Variants in RPTOR observed in about 807,000 individuals in gnomAD.
RPTOR encodes the protein regulatory-associated protein of mTOR.
RPTOR carries 21 observed loss-of-function variants against 169.9 expected under a neutral mutation model. That is an observed-to-expected ratio of 0.12 (90% CI 0.09 to 0.18). The LOEUF is 0.18. Ranked by LOEUF, RPTOR falls within the 10% of genes least tolerant of loss-of-function variation. The pLI is 1.00. For synonymous variants in RPTOR, 732 were observed against 753.2 expected, an observed-to-expected ratio of 0.97 and a Z score of 0.46; for missense variants, 1,133 against 1,855.9, an observed-to-expected ratio of 0.61 and a Z score of 7.16.
chr17:80,831,786 C>T (rs986928413), intron 9 of RPTOR, among the ~76,000 whole-genome samples: 2 of 150,002 alleles, frequency 1.3e-5, no homozygotes, highest in Admixed American at 1.3e-4. Context: ...ACTGTGTATC[C>T]CTGTGTGTCA....
intron 25 of RPTOR, among the ~76,000 whole-genome samples, chr17:80,943,839 G>A (rs1025109760): frequency 5.9e-5 from 6 of 101,550 alleles, no homozygotes; most frequent in African/African-American, 2.3e-4. Context: ...TAAGAGCCAG[G>A]CGGTGTCTCT....
chr17:80,838,141 G>C (rs2067585712), intron 10 of RPTOR, 144 bp downstream of exon 10: 4 of 640,132 alleles, frequency 6.2e-6, no homozygotes, highest in Non-Finnish European at 1.1e-5. Context: ...AAATGTAGTT[G>C]CCAGAGTTTA....
At chr17:80,625,558 G>A in intron 1 of RPTOR, 133 bp from the exon 2 acceptor site, 1 of 671,570 alleles carries the variant, frequency 1.5e-6, no homozygotes, top group South Asian at 1.8e-5. Flanking sequence ...CAGGTGACAG[G>A]CGGAGGACTG....
intron 17 of RPTOR, among the ~76,000 whole-genome samples, chr17:80,891,249 G>T (rs1187546431): frequency 6.6e-6 from 1 of 152,260 alleles, no homozygotes. Context: ...AGTTTCACAT[G>T]TGTTGAAAAG....
At chr17:80,624,698 T>A (rs1435321793) in intron 1 of RPTOR, among the ~76,000 whole-genome samples, 2 of 152,264 alleles carry the variant, frequency 1.3e-5, no homozygotes, top group African/African-American at 4.8e-5. Flanking sequence ...TGAGAAAAAA[T>A]TAATCTTTAT....
Position 80,646,272 on chromosome 17 carries a change from G to A in RPTOR, c.348+2462G>A, listed in dbSNP as rs8066867. ...TTAAAAATTTCCTGCTACTATCCAT[G>A]AGCGGGCCTCATCTATTTTAGAAAT... On this transcript the variant is annotated intron_variant, in intron 3 of 33. Transcript: ENST00000306801. The surrounding 1 kb of genome is among the most constrained non-coding windows in gnomAD (Gnocchi z 5.0). 0.3 allele frequency among the ~76,000 whole-genome samples: 46,158 copies of A among 152,090 alleles called. 7,134 individuals carry two copies. The highest frequency in any genetic ancestry group is 0.37 in the Middle Eastern group (108 of 294).
Position 80,754,244 on chromosome 17 carries a change from C to A in RPTOR, c.830+59C>A. On this transcript the variant is annotated intron_variant, in intron 6 of 33. Transcript: ENST00000306801. This position sits in a 1 kb window ranked among gnomAD's most constrained non-coding sequence, Gnocchi z 4.2. ...TCAACTGGGCTCTCCCGCAGGGACC[C>A]CAACCCATGTGGGCCCCAGGCATTC... The A allele has an allele frequency of 6.7e-7, 1 of 1,492,766 alleles. No individual in the cohort carries two copies. The highest frequency in any genetic ancestry group is 9.0e-7 in the Non-Finnish European group (1 of 1,112,564). The allele number at this position is 1,492,766 out of a possible 1,614,324, so 92.5% of individuals were successfully genotyped here.
At chr17:80,655,370 G>T (rs1567841332) in intron 3 of RPTOR, among the ~76,000 whole-genome samples, 1 of 152,118 alleles carries the variant, frequency 6.6e-6, no homozygotes, top group African/African-American at 2.4e-5. Context: ...ATAGGTATGA[G>T]CCATATTTTT....
intron 3 of RPTOR, among the ~76,000 whole-genome samples, chr17:80,674,384 T>G (rs1367618694): frequency 6.6e-6 from 1 of 152,196 alleles, no homozygotes; most frequent in Non-Finnish European, 1.5e-5. Flanking sequence ...TTAAGGATGT[T>G]TCTTAAAAGT....
At chr17:80,618,887 C>T (rs970548800) in intron 1 of RPTOR, among the ~76,000 whole-genome samples, 6 of 152,148 alleles carry the variant, frequency 3.9e-5, no homozygotes, top group East Asian at 1.9e-4. Context: ...GTGCTTCCTG[C>T]GGGTTTGGTG....
At chr17:80,961,253 T>C (rs2069336106) in intron 30 of RPTOR, 141 bp from the exon 31 acceptor site, 3 of 705,660 alleles carry the variant, frequency 4.3e-6, no homozygotes, top group Non-Finnish European at 6.9e-6. Context: ...GCGTGAGCAC[T>C]AGCCCCTCGT....
At chr17:80,859,077 T>G (rs893347946) in intron 13 of RPTOR, among the ~76,000 whole-genome samples, 1 of 152,158 alleles carries the variant, frequency 6.6e-6, no homozygotes, top group African/African-American at 2.4e-5. Flanking sequence ...GAGAGGCGAC[T>G]CGGGCTGAAG....
intron 18 of RPTOR, among the ~76,000 whole-genome samples, chr17:80,892,392 A>G (rs1040308204): frequency 9.2e-5 from 14 of 152,152 alleles, no homozygotes; most frequent in African/African-American, 3.1e-4. Flanking sequence ...GTGGACGGTC[A>G]TTGCTCTGCT....
At chr17:80,798,410 T>G (rs975884020) in intron 7 of RPTOR, among the ~76,000 whole-genome samples, 5 of 152,058 alleles carry the variant, frequency 3.3e-5, no homozygotes, top group African/African-American at 4.8e-5. Context: ...CCTTTTGAGT[T>G]TTTGTATGTT....
intron 21 of RPTOR, among the ~76,000 whole-genome samples, chr17:80,910,857 T>C (rs1018551578): frequency 1.6e-5 from 2 of 128,298 alleles, no homozygotes; most frequent in Non-Finnish European, 3.4e-5. Flanking sequence ...TTTTTTTTTT[T>C]CTCTTGCTCT....
chr17:80,610,338 A>C (rs537594528), intron 1 of RPTOR, among the ~76,000 whole-genome samples: 4 of 152,188 alleles, frequency 2.6e-5, no homozygotes, highest in Non-Finnish European at 5.9e-5. Context: ...AACACGTCTG[A>C]ATTGTGTTCA....
chr17:80,653,397 G>A (rs756211325), intron 3 of RPTOR, among the ~76,000 whole-genome samples: 64 of 152,074 alleles, frequency 4.2e-4, no homozygotes, highest in Non-Finnish European at 4.0e-4. Flanking sequence ...AAGAAAAGAG[G>A]TTCTTTGACT....
chr17:80,896,499 C>CCA (rs374855273), intron 20 of RPTOR, among the ~76,000 whole-genome samples: 1 of 93,382 alleles, frequency 1.1e-5, no homozygotes, highest in Non-Finnish European at 2.2e-5. Context: ...CCGACACACC[C>CCA]CACGGCCGCA....
At chr17:80,921,121 G>C (rs773736347) in intron 21 of RPTOR, among the ~76,000 whole-genome samples, 1 of 152,230 alleles carries the variant, frequency 6.6e-6, no homozygotes, top group Non-Finnish European at 1.5e-5. Flanking sequence ...GTTTTCCTTG[G>C]TGTTCTGTTG....
Sources: gnomAD v4.1 joint callset for allele counts (sites outside exome capture counted in the v4.1 genomes callset) on GRCh38, gnomAD v4.1.1 for gene constraint, Gnocchi (gnomAD v3.1) non-coding constraint, MANE v1.5 for transcripts, NCBI Gene and HGNC (gene_info 2026-07-23, HGNC 2026-07-21) for gene names.